Variants in YY1AP1 observed in about 807,000 individuals in gnomAD.
YY1AP1 encodes the protein YY1 associated protein 1, also known as YY1-associated protein 1.
YY1AP1 carries 43 observed loss-of-function variants against 39.9 expected under a neutral mutation model. The ratio of observed to expected loss-of-function variants is 1.08; its 90% CI spans 0.84 to 1.39. The LOEUF (loss-of-function observed/expected upper bound fraction) is 1.39. YY1AP1 is among the 40% of genes most tolerant of loss of function. The pLI is 0.00. For missense variants in YY1AP1, 813 were observed against 900.7 expected, an observed-to-expected ratio of 0.90 and a Z score of 1.25; for synonymous variants, 292 against 331.3, an observed-to-expected ratio of 0.88 and a Z score of 1.29.
intron 8 of YY1AP1, 75 bp downstream of exon 8, chr1:155,670,245 C>G (rs970524093): frequency 7.6e-5 from 121 of 1,593,366 alleles, no homozygotes; most frequent in Non-Finnish European, 9.5e-5. Context: ...TTATACAAGT[C>G]TTACTTCCCC....
chr1:155,687,153 G>A (rs1178912805), intron 2 of YY1AP1, among the ~76,000 whole-genome samples: 6 of 152,078 alleles, frequency 3.9e-5, no homozygotes, highest in African/African-American at 7.3e-5. Context: ...ATAAACCCGC[G>A]ACAACAAATA....
In YY1AP1 at chr1:155,670,412, G is replaced by A. The variant is rs1452194726; in HGVS notation, c.636C>T (p.Ser212=). 6.2e-7 allele frequency: 1 copy of A among 1,614,130 alleles called. No individual in the cohort carries two copies. Among genetic ancestry groups the A allele is most frequent in the East Asian group, 2.2e-5 (1 of 44,884 alleles). ...PKQVAWILAT[S]KVFMYPELLP... ...GTAACTCTGGATACATGAAAACCTT[G>A]CTTGTGGCCAGGATCCAAGCCACTT... Residue 212 remains serine, a synonymous_variant, in exon 8 of 11, where the codon AGC becomes AGT. Coordinates refer to ENST00000355499, the MANE Select transcript of YY1AP1 (RefSeq NM_139119.3).
Position 155,674,687 on chromosome 1 carries a change from G to A in YY1AP1, c.411+323C>T, listed in dbSNP as rs188222270. 101 of 212,684 alleles carry A rather than the reference G, an allele frequency of 4.7e-4. 1 individual carries two copies. The East Asian group carries it at 6.7e-3, about 14-fold the overall frequency. The allele number at this position is 212,684 out of a possible 1,614,324, so 13.2% of individuals were successfully genotyped here. A position where few individuals can be genotyped will look rare whatever the true frequency, so the allele number is the denominator to read the frequency against. Reference sequence around the variant, plus strand: ...ACTAAAAATACAAAAAAAATTACCCGTGGTGGTGCCCGCCTGTAGTCCCAG... The same window carrying A: ...ACTAAAAATACAAAAAAAATTACCCATGGTGGTGCCCGCCTGTAGTCCCAG... On this transcript the variant is annotated intron_variant, in intron 6 of 10. Coordinates refer to ENST00000355499, the MANE Select transcript of YY1AP1 (RefSeq NM_139119.3).
At chr1:155,675,955 G>T (rs1215607982) in intron 5 of YY1AP1, among the ~76,000 whole-genome samples, 1 of 152,172 alleles carries the variant, frequency 6.6e-6, no homozygotes, top group Non-Finnish European at 1.5e-5. Flanking sequence ...CGGGCGCAGT[G>T]ACTCACGCGT....
chr1:155,672,795 A>T, intron 6 of YY1AP1, 64 bp from the exon 7 acceptor site: 2 of 1,612,450 alleles, frequency 1.2e-6, no homozygotes, highest in Non-Finnish European at 1.7e-6. Flanking sequence ...AATAGCCTTC[A>T]GAATCTAAAT....
At chr1:155,686,096 G>C (rs1381011356) in intron 2 of YY1AP1, among the ~76,000 whole-genome samples, 1 of 137,718 alleles carries the variant, frequency 7.3e-6, no homozygotes, top group Admixed American at 7.9e-5. Context: ...GTGCAGTGGC[G>C]CAATCTCAGC....
chr1:155,675,769 A>G (rs193253478), intron 5 of YY1AP1, among the ~76,000 whole-genome samples: 263 of 152,294 alleles, frequency 1.7e-3, no homozygotes, highest in Non-Finnish European at 3.0e-3. Flanking sequence ...CCAGAGAGTC[A>G]TTAACTAAGA....
intron 9 of YY1AP1, among the ~76,000 whole-genome samples, chr1:155,664,126 A>AC (rs1203616942): frequency 7.0e-6 from 1 of 143,654 alleles, no homozygotes; most frequent in Non-Finnish European, 1.5e-5. Flanking sequence ...CCTGTCTCGG[A>AC]AAAAAAAAAA....
At chr1:155,671,170 C>T (rs1558306905) in intron 7 of YY1AP1, 1 of 152,142 alleles carries the variant, frequency 6.6e-6, no homozygotes, top group East Asian at 1.9e-4. Flanking sequence ...CTGGCTCACG[C>T]CTGTAATCCC....
At chr1:155,677,417 G>A (rs1017379797) in intron 4 of YY1AP1, among the ~76,000 whole-genome samples, 2 of 152,130 alleles carry the variant, frequency 1.3e-5, no homozygotes, top group Non-Finnish European at 2.9e-5. Context: ...TACCTAGCAT[G>A]TCAGTTCTAT....
rs915830261 is a variant in YY1AP1, at chr1:155,674,147, C to T, written c.411+863G>A. Reference sequence around the variant, plus strand: ...CTGCACTCCAGCCTGGGCGACAGAGCGAGACTCCGTCTCAAAAAAAAAAAA... The same window carrying T: ...CTGCACTCCAGCCTGGGCGACAGAGTGAGACTCCGTCTCAAAAAAAAAAAA... On this transcript the variant is annotated intron_variant, in intron 6 of 10. Coordinates refer to ENST00000355499, the MANE Select transcript of YY1AP1 (RefSeq NM_139119.3). Among the ~76,000 whole-genome samples the T allele has an allele frequency of 5.9e-3, 713 of 121,166 alleles. 2 individuals carry two copies. Among genetic ancestry groups the T allele is most frequent in the Admixed American group, 9.3e-3 (92 of 9,876 alleles). 79.5% of individuals were successfully genotyped at this position (121,166 alleles called of 152,430 possible).
rs1651211249 is a variant in YY1AP1 at position 155,679,424 on chromosome 1, G to A, written c.110C>T (p.Thr37Ile). The change falls in exon 4 of 11, where the codon ACC (threonine) becomes ATC (isoleucine). Residue 37 changes from threonine (T) to isoleucine (I), a missense_variant. Thr to Ile is a moderately conservative substitution (Grantham distance 89). Around this residue, in one of 3 missense-constraint regions of YY1AP1, gnomAD observed 196 missense variants for 189.7 expected, o/e 1.03. Coordinates refer to ENST00000355499, the MANE Select transcript of YY1AP1 (RefSeq NM_139119.3). ...RVAEPQANFN[T>I]PQALRFEELL... ...ACTAGCCTACCGTAGAGCTTGAGGG[G>A]TGTTAAAGTTAGCTTGAGGCTCAGC... 1 of 1,614,080 alleles carries A rather than the reference G, an allele frequency of 6.2e-7. No homozygotes were observed. The highest frequency in any genetic ancestry group is 8.5e-7 in the Non-Finnish European group (1 of 1,180,022).
Position 155,676,650 on chromosome 1 carries a change from C to T in YY1AP1, c.222G>A (p.Gln74=). The change falls in exon 5 of 11, where the codon CAG becomes CAA. Residue 74 remains glutamine (Q), a synonymous_variant. Transcript: ENST00000355499. ...GTTTAACCTTCTCTACCTCCTTCTG[C>T]TGTTTGGCTGAAGGTTTCTTCATCT... is the stretch of plus-strand genomic sequence containing the variant. ...QLKMKKPSAK[Q]QKEVEKVKPQ... is the part of the protein sequence containing the mutation. 6.2e-7 allele frequency: 1 copy of T among 1,614,188 alleles called. No individual in the cohort carries two copies. The highest frequency in any genetic ancestry group is 1.7e-5 in the Admixed American group (1 of 60,022).
chr1:155,664,163 A>G (rs1443460442), intron 9 of YY1AP1, among the ~76,000 whole-genome samples: 1 of 151,878 alleles, frequency 6.6e-6, no homozygotes, highest in Non-Finnish European at 1.5e-5. Context: ...GAAATTTCTT[A>G]ACACCACACT....
intron 10 of YY1AP1, 174 bp from the exon 11 acceptor site, chr1:155,661,087 A>G (rs1465568291): frequency 3.4e-6 from 5 of 1,484,954 alleles, no homozygotes; most frequent in Non-Finnish European, 4.5e-6. Context: ...CTCTTCTCTG[A>G]ATTTCCTTTA....
intron 7 of YY1AP1, chr1:155,672,273 C>T: frequency 2.1e-6 from 1 of 485,820 alleles, no homozygotes; most frequent in Non-Finnish European, 3.8e-6. Flanking sequence ...AATACTTACC[C>T]CTCATATTGC....
chr1:155,688,896 C>T (rs951291827), upstream of YY1AP1: 1 of 1,612,424 alleles, frequency 6.2e-7, no homozygotes, highest in Admixed American at 1.7e-5. Flanking sequence ...ACTGGAATTG[C>T]CAGGGTGGCC....
At chr1:155,678,092 G>A (rs1350830314) in intron 4 of YY1AP1, among the ~76,000 whole-genome samples, 1 of 152,144 alleles carries the variant, frequency 6.6e-6, no homozygotes. Flanking sequence ...AGTCAGAGGT[G>A]GCTCCATAAG....
At chr1:155,680,370 G>A (rs748967931) in intron 3 of YY1AP1, 46 bp downstream of exon 3, 3 of 1,609,404 alleles carry the variant, frequency 1.9e-6, no homozygotes, top group East Asian at 2.2e-5. Flanking sequence ...TTTTGTTGGA[G>A]AACCAACTTA....
Sources: gnomAD v4.1 joint callset for allele counts (sites outside exome capture counted in the v4.1 genomes callset) on GRCh38, gnomAD v4.1.1 for gene constraint, gnomAD v4.1.1 regional missense constraint, MANE v1.5 for transcripts, NCBI Gene and HGNC (gene_info 2026-07-23, HGNC 2026-07-21) for gene names.